CELF2: variants seen among roughly 807,000 people sequenced by gnomAD.
CELF2 encodes the protein CUGBP Elav-like family member 2, also known as CUG triplet repeat RNA-binding protein 2.
A neutral mutation model predicts 62.6 loss-of-function variants in CELF2; 8 were observed. That is an observed-to-expected ratio of 0.13 (90% CI 0.07 to 0.23). The LOEUF (loss-of-function observed/expected upper bound fraction) is 0.23, where lower values mean the gene tolerates loss of function less well. CELF2 is among the 10% of genes least tolerant of loss of function. The pLI is 1.00. For missense variants in CELF2, 333 were observed against 671.0 expected (o/e 0.50, Z 5.56); for synonymous variants, 258 against 250.0 (o/e 1.03, Z -0.30).
At chr10:11,036,275 C>CGATGTAA (rs1260258739) in intron 1 of CELF2, among the ~76,000 whole-genome samples, 1 of 152,152 alleles carries the variant, frequency 6.6e-6, no homozygotes, top group African/African-American at 2.4e-5. Flanking sequence ...ATCTGTGTTT[C>CGATGTAA]CTTTTGTATT....
intron 2 of CELF2, among the ~76,000 whole-genome samples, chr10:11,213,504 C>T (rs2062471160): frequency 6.6e-6 from 1 of 152,226 alleles, no homozygotes; most frequent in African/African-American, 2.4e-5. Flanking sequence ...TCTGTAGTAG[C>T]TCCTTGACCT....
the CELF2 span, among the ~76,000 whole-genome samples, chr10:10,514,948 C>T: frequency 2.0e-5 from 3 of 152,208 alleles, no homozygotes; most frequent in Non-Finnish European, 4.4e-5. Context: ...GGAATAACCT[C>T]TGGAAGCCTT....
intron 1 of CELF2, among the ~76,000 whole-genome samples, chr10:11,135,266 T>G (rs1267575494): frequency 6.6e-6 from 1 of 152,222 alleles, no homozygotes; most frequent in African/African-American, 2.4e-5. Context: ...AGTACTTGTT[T>G]TAAAATAATT....
the CELF2 span, among the ~76,000 whole-genome samples, chr10:10,489,514 C>T: frequency 0.33 from 50,455 of 151,912 alleles, 9,084 homozygotes; most frequent in Admixed American, 0.42. Context: ...TTTCAATTAG[C>T]TCTCCCATTT....
the CELF2 span, among the ~76,000 whole-genome samples, chr10:10,716,557 A>G: frequency 4.6e-5 from 7 of 152,226 alleles, no homozygotes; most frequent in African/African-American, 1.4e-4. Flanking sequence ...GGGAAAAAAA[A>G]TCATTGAGAA....
chr10:10,884,241 C>A (rs1423281426), intron 1 of CELF2, among the ~76,000 whole-genome samples: 1 of 152,076 alleles, frequency 6.6e-6, no homozygotes, highest in African/African-American at 2.4e-5. Context: ...CTATGAAGAA[C>A]AGCTGTGACT....
At chr10:11,041,987 C>A (rs1307441864) in intron 1 of CELF2, among the ~76,000 whole-genome samples, 1 of 152,136 alleles carries the variant, frequency 6.6e-6, no homozygotes, top group Non-Finnish European at 1.5e-5. Flanking sequence ...CCATTGGGGG[C>A]ATAATTATGG....
At chr10:10,853,515 T>C (rs1014049236) in intron 1 of CELF2, among the ~76,000 whole-genome samples, 1 of 151,888 alleles carries the variant, frequency 6.6e-6, no homozygotes, top group East Asian at 1.9e-4. Context: ...CTAGGAAACA[T>C]AACTACACTC....
chr10:10,545,497 A>C, the CELF2 span, among the ~76,000 whole-genome samples: 1 of 152,242 alleles, frequency 6.6e-6, no homozygotes, highest in Non-Finnish European at 1.5e-5. Context: ...AATGACAAAG[A>C]TGCCCCTTAC....
At chr10:10,868,935 A>G (rs923300097) in intron 1 of CELF2, among the ~76,000 whole-genome samples, 8 of 152,254 alleles carry the variant, frequency 5.3e-5, no homozygotes, top group Admixed American at 2.0e-4. Flanking sequence ...CCCCCATCCT[A>G]GCATGTTTCT....
At chr10:11,054,902 A>G (rs558411958) in intron 1 of CELF2, among the ~76,000 whole-genome samples, 40 of 152,254 alleles carry the variant, frequency 2.6e-4, no homozygotes, top group African/African-American at 9.1e-4. Flanking sequence ...TTTAGTACAG[A>G]TGGGGTTTCA....
chr10:11,007,762 G>C (rs1053903236), intron 1 of CELF2, among the ~76,000 whole-genome samples: 1 of 152,182 alleles, frequency 6.6e-6, no homozygotes, highest in African/African-American at 2.4e-5. Flanking sequence ...AGTCAATTTT[G>C]TGTGGGTTGG....
chr10:11,259,534 G>T lies in CELF2; in HGVS notation c.538+1662G>T, dbSNP rs2079842451. 9.9e-5 allele frequency among the ~76,000 whole-genome samples: 15 copies of T among 152,024 alleles called. No homozygotes were observed. In the South Asian group the frequency reaches 2.9e-3, roughly 29 times the overall value. On this transcript the variant is annotated intron_variant, in intron 5 of 12. Transcript: ENST00000633077. ...ACTTAAAAGATGTAATTCTCTAAAAGCTGAACAAGTCACTGTATTGAGTGT... is the reference window on the plus strand; with the variant it reads ...ACTTAAAAGATGTAATTCTCTAAAATCTGAACAAGTCACTGTATTGAGTGT...
At chr10:11,184,963 A>G (rs2074441737) in intron 2 of CELF2, among the ~76,000 whole-genome samples, 1 of 152,232 alleles carries the variant, frequency 6.6e-6, no homozygotes, top group Non-Finnish European at 1.5e-5. Flanking sequence ...TCTTGATATT[A>G]GAGGAAGACT....
chr10:10,940,065 TC>T (rs2046884127), intron 2 of CELF2, among the ~76,000 whole-genome samples: 1 of 152,066 alleles, frequency 6.6e-6, no homozygotes, highest in African/African-American at 2.4e-5. Context: ...CTGATTAGGG[TC>T]CCCAACCTAA....
intron 2 of CELF2, among the ~76,000 whole-genome samples, chr10:11,182,031 C>G (rs2073572871): frequency 6.6e-6 from 1 of 152,206 alleles, no homozygotes; most frequent in Non-Finnish European, 1.5e-5. Context: ...TAGGGTGTCA[C>G]TGTAGTGTGA....
the CELF2 span, among the ~76,000 whole-genome samples, chr10:10,750,017 CT>C: frequency 6.6e-6 from 1 of 152,238 alleles, no homozygotes; most frequent in East Asian, 1.9e-4. Context: ...GGCGAGGCGG[CT>C]CACACCTGTA....
chr10:10,665,720 T>A, the CELF2 span, among the ~76,000 whole-genome samples: 23 of 152,342 alleles, frequency 1.5e-4, no homozygotes, highest in South Asian at 2.1e-3. Flanking sequence ...ATTTTACAAG[T>A]CACTTATTAA....
chr10:10,536,396 A>G, the CELF2 span, among the ~76,000 whole-genome samples: 6 of 152,182 alleles, frequency 3.9e-5, no homozygotes, highest in Admixed American at 1.3e-4. Context: ...ATAAATAAAA[A>G]CACTGGTCAC....
Sources: allele counts gnomAD v4.1 joint callset (sites outside exome capture counted in the v4.1 genomes callset), GRCh38; gene constraint gnomAD v4.1.1; transcripts MANE v1.5; gene names NCBI Gene and HGNC (gene_info 2026-07-23, HGNC 2026-07-21).